Variants in MUSK observed in about 807,000 individuals in gnomAD.
MUSK encodes the protein muscle associated receptor tyrosine kinase, also known as muscle, skeletal receptor tyrosine-protein kinase.
In MUSK, 55 loss-of-function variants were observed where a neutral mutation model predicts 88.7. The observed-to-expected ratio is 0.62, with a 90% CI of 0.50 to 0.78. MUSK has a LOEUF of 0.78. MUSK is among the 30% of genes least tolerant of loss of function. The pLI is 0.00. For missense variants in MUSK, 1,015 were observed against 1,074.3 expected (o/e 0.94, Z 0.77); for synonymous variants, 387 against 391.9 (o/e 0.99, Z 0.15).
At chr9:110,687,945 C>T in intron 3 of MUSK, among the ~76,000 whole-genome samples, 1 of 152,104 alleles carries the variant, frequency 6.6e-6, no homozygotes, top group East Asian at 1.9e-4. Flanking sequence ...TTTGCAGACA[C>T]TTTTGCCTTA....
chr9:110,742,288 T>C (rs1432055194), intron 6 of MUSK, among the ~76,000 whole-genome samples: 1 of 152,060 alleles, frequency 6.6e-6, no homozygotes, highest in East Asian at 1.9e-4. Context: ...ACCTCGTATC[T>C]ACTAAAAATA....
At chr9:110,728,811 A>G (rs776680941) in intron 5 of MUSK, 7 of 959,346 alleles carry the variant, frequency 7.3e-6, no homozygotes, top group Non-Finnish European at 1.0e-5. Context: ...TCTAAGTGCC[A>G]TTTTTAAAGA....
intron 5 of MUSK, among the ~76,000 whole-genome samples, chr9:110,733,573 CTT>C (rs5899913): frequency 5.5e-5 from 8 of 144,248 alleles, no homozygotes; most frequent in Non-Finnish European, 3.1e-5. Context: ...CTAAAATATC[CTT>C]TTTTTTTTTT....
chr9:110,688,890 TA>T (rs1191955323), intron 3 of MUSK, among the ~76,000 whole-genome samples: 4 of 149,224 alleles, frequency 2.7e-5, no homozygotes, highest in African/African-American at 9.8e-5. Context: ...TTGTTTGTGT[TA>T]ACTGTTTTAT....
intron 14 of MUSK, among the ~76,000 whole-genome samples, chr9:110,799,133 ACAGAAATGTG>A (rs1248597891): frequency 3.3e-5 from 5 of 152,170 alleles, no homozygotes; most frequent in Non-Finnish European, 7.4e-5. Flanking sequence ...CCTTTAGTTT[ACAGAAATGTG>A]CTAATTGAGG....
At chr9:110,742,720 A>G (rs561733952) in intron 6 of MUSK, among the ~76,000 whole-genome samples, 6 of 152,352 alleles carry the variant, frequency 3.9e-5, no homozygotes, top group Non-Finnish European at 8.8e-5. Flanking sequence ...AAAAAGTGAA[A>G]GGCAAAATAG....
chr9:110,768,797 A>C (rs188576767), intron 9 of MUSK, among the ~76,000 whole-genome samples: 6 of 152,350 alleles, frequency 3.9e-5, no homozygotes, highest in South Asian at 4.1e-4. Context: ...TTTAAAGTAC[A>C]TTCCATCCAA....
intron 9 of MUSK, among the ~76,000 whole-genome samples, chr9:110,771,432 G>T (rs1378331603): frequency 1.3e-5 from 2 of 151,888 alleles, no homozygotes; most frequent in Non-Finnish European, 1.5e-5. Context: ...ATCTCTAAAG[G>T]CATCGTCGTT....
intron 5 of MUSK, among the ~76,000 whole-genome samples, chr9:110,714,069 G>A (rs1373620302): frequency 6.6e-6 from 1 of 152,102 alleles, no homozygotes; most frequent in Non-Finnish European, 1.5e-5. Context: ...TAATTAAGCA[G>A]TTTAGCATCT....
In MUSK at chr9:110,685,871, T is replaced by C. The variant is rs138789609; in HGVS notation, c.207-1246T>C. On this transcript the variant is annotated intron_variant, in intron 2 of 14. Transcript: ENST00000374448. ...CTTTTTCTAGCATGCTTTTCAAATT[T>C]TTTTCGGTTCTAACTATTCATCAAT... Among the ~76,000 whole-genome samples the C allele has an allele frequency of 7.2e-5, 11 of 152,252 alleles. No homozygotes were observed. The East Asian group carries it at 1.9e-3, about 27-fold the overall frequency.
intron 9 of MUSK, among the ~76,000 whole-genome samples, chr9:110,771,919 C>G (rs1564281956): frequency 6.6e-6 from 1 of 152,040 alleles, no homozygotes; most frequent in Non-Finnish European, 1.5e-5. Context: ...AATCATTAAT[C>G]CTTGCCAACA....
At position 110,802,561 on chromosome 9, in the gene MUSK, C is replaced by T. The variant is rs1363354884; in HGVS notation, c.*1573C>T. ...TTGACATCTTTGGTGGGAAACCTGC[C>T]ATTTCTTATTCATAGTGTCTCCAGG... On this transcript the variant is annotated 3_prime_UTR_variant, in exon 15 of 15. Transcript: ENST00000374448. 1.3e-5 allele frequency among the ~76,000 whole-genome samples: 2 copies of T among 152,162 alleles called. No homozygotes were observed. The highest frequency in any genetic ancestry group is 4.8e-5 in the African/African-American group (2 of 41,446).
intron 14 of MUSK, among the ~76,000 whole-genome samples, chr9:110,789,793 C>T (rs560080290): frequency 3.6e-4 from 54 of 152,048 alleles, no homozygotes; most frequent in Non-Finnish European, 5.7e-4. Flanking sequence ...AAAAAAAAGA[C>T]GTGTTTTTTG....
chr9:110,678,695 T>C (rs1226749955), intron 1 of MUSK, among the ~76,000 whole-genome samples: 1 of 152,122 alleles, frequency 6.6e-6, no homozygotes, highest in East Asian at 1.9e-4. Flanking sequence ...TGAATTGTGG[T>C]CCAAGAATGT....
In MUSK at chr9:110,704,760, C is replaced by T. The variant is rs947591140; in HGVS notation, c.628+7294C>T. Among the ~76,000 whole-genome samples, 9 of 151,740 alleles carry T rather than the reference C, an allele frequency of 5.9e-5. No homozygotes were observed. The South Asian group carries it at 8.3e-4, about 14-fold the overall frequency. Reference sequence around the variant, plus strand: ...CAGCACTTTGGGAGGCCGAGGTGGGCGAATCACGAGGTTAGGAGTTTGAGA... The same window carrying T: ...CAGCACTTTGGGAGGCCGAGGTGGGTGAATCACGAGGTTAGGAGTTTGAGA... On this transcript the variant is annotated intron_variant, in intron 5 of 14. Coordinates refer to ENST00000374448, the MANE Select transcript of MUSK (RefSeq NM_005592.4).
chr9:110,695,159 AT>A (rs1416168906), intron 3 of MUSK, among the ~76,000 whole-genome samples: 1 of 152,136 alleles, frequency 6.6e-6, no homozygotes, highest in Non-Finnish European at 1.5e-5. Context: ...CACTGTTAAT[AT>A]TTTTCATAAA....
At chr9:110,707,781 TG>T (rs771741274) in intron 5 of MUSK, among the ~76,000 whole-genome samples, 12 of 152,172 alleles carry the variant, frequency 7.9e-5, no homozygotes, top group Non-Finnish European at 1.5e-4. Context: ...GGCTCCTTCA[TG>T]TTTAAACAAC....
chr9:110,692,126 T>C (rs2076364776), intron 3 of MUSK, among the ~76,000 whole-genome samples: 1 of 152,020 alleles, frequency 6.6e-6, no homozygotes, highest in Non-Finnish European at 1.5e-5. Flanking sequence ...TAGGTGGGCC[T>C]TGTTTTTTTG....
intron 5 of MUSK, among the ~76,000 whole-genome samples, chr9:110,718,880 G>C (rs1041880318): frequency 7.9e-5 from 12 of 152,092 alleles, no homozygotes; most frequent in African/African-American, 2.9e-4. Flanking sequence ...AGTAACAGCA[G>C]ATTTCTCAGC....
Sources: gnomAD v4.1 joint callset for allele counts (sites outside exome capture counted in the v4.1 genomes callset) on GRCh38, gnomAD v4.1.1 for gene constraint, MANE v1.5 for transcripts, NCBI Gene and HGNC (gene_info 2026-07-23, HGNC 2026-07-21) for gene names.